The following DCC variants were observed in gnomAD, a reference collection of about 807,000 sequenced individuals.
The protein encoded by DCC is DCC netrin 1 receptor, also known as netrin receptor DCC.
In DCC, 58 loss-of-function variants were observed where a neutral mutation model predicts 172.5. The observed-to-expected ratio is 0.34, with a 90% CI of 0.27 to 0.42. The LOEUF is 0.42. DCC is among the 10% of genes least tolerant of loss of function. DCC has a pLI of 1.00. For synonymous variants in DCC, 709 were observed against 644.5 expected, an observed-to-expected ratio of 1.10 and a Z score of -1.52; for missense variants, 1,740 against 1,791.0, an observed-to-expected ratio of 0.97 and a Z score of 0.51.
At chr18:52,526,910 C>T (rs572613495) in intron 1 of DCC, among the ~76,000 whole-genome samples, 1 of 152,168 alleles carries the variant, frequency 6.6e-6, no homozygotes, top group Non-Finnish European at 1.5e-5. Context: ...ATTTTCCTCT[C>T]ATCAGGTTAC....
chr18:53,530,222 T>C, intron 28 of DCC: 1 of 653,710 alleles, frequency 1.5e-6, no homozygotes, highest in Non-Finnish European at 2.8e-6. Context: ...ATTATCATTT[T>C]ATAGATGAAG....
intron 7 of DCC, among the ~76,000 whole-genome samples, chr18:53,139,075 C>G (rs962740362): frequency 6.6e-6 from 1 of 152,148 alleles, no homozygotes; most frequent in Non-Finnish European, 1.5e-5. Context: ...TCCAATGTCT[C>G]TCATAATGCA....
chr18:53,473,765 G>A (rs1255564274), intron 25 of DCC, among the ~76,000 whole-genome samples: 2 of 152,010 alleles, frequency 1.3e-5, no homozygotes, highest in Non-Finnish European at 2.9e-5. Flanking sequence ...AGATAAATAT[G>A]GCTTTTATCT....
intron 1 of DCC, among the ~76,000 whole-genome samples, chr18:52,720,541 C>T (rs1212695357): frequency 6.6e-6 from 1 of 152,114 alleles, no homozygotes; most frequent in African/African-American, 2.4e-5. Context: ...TCTGAACCCA[C>T]GGAGTACCCA....
intron 1 of DCC, among the ~76,000 whole-genome samples, chr18:52,722,897 C>T (rs547068002): frequency 6.6e-6 from 1 of 152,276 alleles, no homozygotes; most frequent in South Asian, 2.1e-4. Context: ...AGAAAGGATT[C>T]ATGGGAGCTA....
chr18:53,110,416 T>C (rs997880750), intron 7 of DCC, among the ~76,000 whole-genome samples: 4 of 151,700 alleles, frequency 2.6e-5, no homozygotes, highest in African/African-American at 9.7e-5. Context: ...TCAGCAAGTT[T>C]TAAATTTTTA....
At chr18:53,453,054 T>G (rs550024716) in intron 23 of DCC, among the ~76,000 whole-genome samples, 20 of 152,238 alleles carry the variant, frequency 1.3e-4, no homozygotes, top group African/African-American at 4.8e-4. Flanking sequence ...TAGCTGGGAC[T>G]ACAGGTGCCC....
intron 1 of DCC, among the ~76,000 whole-genome samples, chr18:52,433,316 A>T (rs186177700): frequency 7.9e-5 from 12 of 152,302 alleles, no homozygotes; most frequent in African/African-American, 2.2e-4. Context: ...CAGTACTCAC[A>T]TTGCTTTCAT....
At chr18:52,460,807 A>C (rs550721522) in intron 1 of DCC, among the ~76,000 whole-genome samples, 17 of 152,212 alleles carry the variant, frequency 1.1e-4, no homozygotes, top group South Asian at 2.1e-4. Flanking sequence ...GAAGATCTAC[A>C]TAGGGAATTT....
chr18:53,474,187 G>A (rs1474152233), intron 25 of DCC, among the ~76,000 whole-genome samples: 1 of 152,040 alleles, frequency 6.6e-6, no homozygotes, highest in Non-Finnish European at 1.5e-5. Flanking sequence ...GTCAACAGGT[G>A]CATATAAGAA....
chr18:52,757,433 A>C (rs2145142323), intron 2 of DCC, among the ~76,000 whole-genome samples: 1 of 152,276 alleles, frequency 6.6e-6, no homozygotes, highest in South Asian at 2.1e-4. Context: ...AATAAACATA[A>C]AAATCCCATT....
intron 7 of DCC, among the ~76,000 whole-genome samples, chr18:53,081,998 C>T (rs992282108): frequency 1.5e-4 from 23 of 151,970 alleles, no homozygotes; most frequent in African/African-American, 3.9e-4. Flanking sequence ...GGGAGGCCAG[C>T]GATCAAGAAT....
In DCC at chr18:52,948,589, A is replaced by G. The variant is rs2040586525; in HGVS notation, c.985+23219A>G. ...AGAAAGGGTTAAATGGCATGCCTACATCACTGATAGATGTCCAAGTTAGGA... is the reference window on the plus strand; with the variant it reads ...AGAAAGGGTTAAATGGCATGCCTACGTCACTGATAGATGTCCAAGTTAGGA... On this transcript the variant is annotated intron_variant, in intron 5 of 28. Transcript: ENST00000442544. Among the ~76,000 whole-genome samples, 3 of 152,158 alleles carry G rather than the reference A, an allele frequency of 2.0e-5. No individual in the cohort carries two copies. The South Asian group carries it at 6.2e-4, about 32-fold the overall frequency.
At chr18:53,001,995 G>C (rs916231862) in intron 5 of DCC, among the ~76,000 whole-genome samples, 1 of 152,076 alleles carries the variant, frequency 6.6e-6, no homozygotes, top group Non-Finnish European at 1.5e-5. Flanking sequence ...TCATGGTTCT[G>C]TAACTCAAAT....
intron 1 of DCC, among the ~76,000 whole-genome samples, chr18:52,513,237 C>A (rs1054275649): frequency 6.6e-6 from 1 of 152,154 alleles, no homozygotes. Context: ...AATACAAACA[C>A]CTTACATTTA....
chr18:53,337,373 G>T (rs1289336889), intron 14 of DCC, among the ~76,000 whole-genome samples: 1 of 152,212 alleles, frequency 6.6e-6, no homozygotes, highest in East Asian at 1.9e-4. Flanking sequence ...ATGCTAAACA[G>T]AACTGACTGA....
chr18:53,450,120 G>GATATATATAT (rs59116255), intron 22 of DCC, among the ~76,000 whole-genome samples: 1 of 147,218 alleles, frequency 6.8e-6, no homozygotes, highest in African/African-American at 2.5e-5. Flanking sequence ...ATCATAGGGG[G>GATATATATAT]ATATATATAT....
chr18:53,198,688 C>A (rs1039598019), intron 9 of DCC, among the ~76,000 whole-genome samples: 13 of 152,144 alleles, frequency 8.5e-5, no homozygotes, highest in Admixed American at 8.5e-4. Flanking sequence ...TTTACTCCAA[C>A]ATAAGTACTT....
chr18:53,518,848 A>C (rs939112333), intron 27 of DCC, among the ~76,000 whole-genome samples: 1 of 152,148 alleles, frequency 6.6e-6, no homozygotes, highest in African/African-American at 2.4e-5. Context: ...TTAGCCATGG[A>C]TCATTTAACC....
Sources: allele counts gnomAD v4.1 joint callset (sites outside exome capture counted in the v4.1 genomes callset), GRCh38; gene constraint gnomAD v4.1.1; transcripts MANE v1.5; gene names NCBI Gene and HGNC (gene_info 2026-07-23, HGNC 2026-07-21).